Variants in SYNE2 observed in about 807,000 individuals in gnomAD.
The protein encoded by SYNE2 is nesprin-2.
A neutral mutation model predicts 856.3 loss-of-function variants in SYNE2; 431 were observed. The ratio of observed to expected loss-of-function variants is 0.50; its 90% CI spans 0.47 to 0.55. The LOEUF (loss-of-function observed/expected upper bound fraction) is 0.55, where lower values mean the gene tolerates loss of function less well. Ranked by LOEUF, SYNE2 falls within the 20% of genes least tolerant of loss-of-function variation. The pLI is 0.00. For missense variants in SYNE2, 8,129 were observed against 8,023.2 expected (o/e 1.01, Z -0.50); for synonymous variants, 2,923 against 2,872.3 (o/e 1.02, Z -0.56).
intron 1 of SYNE2, among the ~76,000 whole-genome samples, chr14:63,831,184 T>A (rs908827973): frequency 1.3e-5 from 2 of 152,052 alleles, no homozygotes; most frequent in Admixed American, 6.6e-5. Context: ...ATGCTCTTGA[T>A]TAGCTAGAAT....
At chr14:64,152,983 A>G (rs774457426) in intron 85 of SYNE2, among the ~76,000 whole-genome samples, 10 of 152,234 alleles carry the variant, frequency 6.6e-5, no homozygotes, top group Non-Finnish European at 1.3e-4. Context: ...TCACTCAGAC[A>G]TAAATATCTC....
At chr14:63,869,237 C>T (rs2140342683) in intron 1 of SYNE2, among the ~76,000 whole-genome samples, 1 of 152,284 alleles carries the variant, frequency 6.6e-6, no homozygotes, top group African/African-American at 2.4e-5. Flanking sequence ...TTCTTCTGAG[C>T]TTAAAGAGAA....
chr14:63,851,671 T>C (rs989659294), upstream of SYNE2, among the ~76,000 whole-genome samples: 2 of 152,190 alleles, frequency 1.3e-5, no homozygotes, highest in Admixed American at 1.3e-4. Flanking sequence ...CATTAATATA[T>C]GTTTGCTGAA....
At chr14:63,779,180 C>G (rs1016801117) in intron 1 of SYNE2, among the ~76,000 whole-genome samples, 1 of 151,448 alleles carries the variant, frequency 6.6e-6, no homozygotes, top group Non-Finnish European at 1.5e-5. Flanking sequence ...AAAAAAATAG[C>G]CTGACATGGT....
At chr14:63,971,140 G>C (rs1162019189) in intron 11 of SYNE2, among the ~76,000 whole-genome samples, 2 of 145,444 alleles carry the variant, frequency 1.4e-5, no homozygotes, top group Non-Finnish European at 3.0e-5. Flanking sequence ...TTTTGAGACA[G>C]GGTCTTTGTC....
At chr14:64,212,147 G>T in intron 104 of SYNE2, 49 bp downstream of exon 104, 1 of 1,611,790 alleles carries the variant, frequency 6.2e-7, no homozygotes, top group Non-Finnish European at 8.5e-7. Flanking sequence ...ACACCTTTGC[G>T]TGGGAGAGCT....
Position 64,133,961 on chromosome 14 carries a change from A to G in SYNE2, c.14515-108A>G, listed in dbSNP as rs977394877. 5 of 1,351,204 alleles carry G rather than the reference A, an allele frequency of 3.7e-6. No individual in the cohort carries two copies. In the African/African-American group the frequency reaches 5.8e-5, roughly 16 times the overall value. The allele number at this position is 1,351,204 out of a possible 1,614,324, so 83.7% of individuals were successfully genotyped here. A position where few individuals can be genotyped will look rare whatever the true frequency, so the allele number is the denominator to read the frequency against. On this transcript the variant is annotated intron_variant, in intron 77 of 115. Transcript: ENST00000555002. ...CGAACACACCTGGAATCTGTGCTTT[A>G]ATTTTGTATGGTCTTGGTGTTCATT...
At chr14:64,097,731 T>G (rs1439986230) in intron 61 of SYNE2, among the ~76,000 whole-genome samples, 1 of 152,254 alleles carries the variant, frequency 6.6e-6, no homozygotes, top group Non-Finnish European at 1.5e-5. Flanking sequence ...AGGTCTCTGG[T>G]AAGGCTGAGG....
In SYNE2 at chr14:64,214,416, G is replaced by A. The variant is rs2098656238; in HGVS notation, c.19279G>A (p.Gly6427Ser). Residue 6427 changes from glycine to serine, a missense_variant, in exon 106 of 116, where the codon GGC (glycine) becomes AGC (serine). Coordinates refer to ENST00000555002, the MANE Select transcript of SYNE2 (RefSeq NM_182914.3). ...LEWDHTGDVGGSSSHEEDEEG... is the reference protein window; with the variant it reads ...LEWDHTGDVGSSSSHEEDEEG... ...GTGGGACCACACAGGCGACGTGGGG[G>A]GCTCCTCCTCTCACGAAGAGGACGA... The A allele has an allele frequency of 1.2e-6, 2 of 1,613,950 alleles. No homozygotes were observed. Among genetic ancestry groups the A allele is most frequent in the African/African-American group, 1.3e-5 (1 of 74,918 alleles).
At chr14:63,929,975 G>T (rs1229754604) in intron 2 of SYNE2, among the ~76,000 whole-genome samples, 1 of 152,030 alleles carries the variant, frequency 6.6e-6, no homozygotes, top group Non-Finnish European at 1.5e-5. Flanking sequence ...CATGATTATG[G>T]TTTGGATTTT....
intron 64 of SYNE2, among the ~76,000 whole-genome samples, chr14:64,106,433 A>T (rs1470574818): frequency 6.6e-6 from 1 of 152,216 alleles, no homozygotes; most frequent in Non-Finnish European, 1.5e-5. Context: ...GTGGATCACG[A>T]GGTCAGGAGA....
rs1033433622 is a variant in SYNE2, at chr14:64,121,949, A to C, written c.13159-63A>C. On this transcript the variant is annotated intron_variant, in intron 68 of 115. Transcript: ENST00000555002. ...AAATTAGATTTATCTCAGCAGAGGA[A>C]ACTAGTGGGTACTAATCGAAAAGCT... 2.5e-6 allele frequency: 4 copies of C among 1,604,736 alleles called. No individual in the cohort carries two copies. In the African/African-American group the frequency reaches 5.4e-5, roughly 21 times the overall value.
chr14:63,978,665 G>A (rs779549939), intron 13 of SYNE2, among the ~76,000 whole-genome samples, 187 bp from the exon 14 acceptor site: 1 of 152,042 alleles, frequency 6.6e-6, no homozygotes, highest in African/African-American at 2.4e-5. Context: ...CTTAGAAATG[G>A]TTGTTGTATA....
At chr14:63,789,010 A>G (rs1374139591) in intron 1 of SYNE2, among the ~76,000 whole-genome samples, 1 of 152,250 alleles carries the variant, frequency 6.6e-6, no homozygotes, top group Non-Finnish European at 1.5e-5. Context: ...GTATATATAC[A>G]CAATGGAATA....
At chr14:63,885,382 G>A (rs1280431905) in intron 1 of SYNE2, among the ~76,000 whole-genome samples, 1 of 152,156 alleles carries the variant, frequency 6.6e-6, no homozygotes, top group Non-Finnish European at 1.5e-5. Flanking sequence ...GATGTGCTTA[G>A]GTCTGGAAAT....
chr14:63,968,718 TAGTA>T (rs2096431589), intron 11 of SYNE2, among the ~76,000 whole-genome samples: 1 of 152,224 alleles, frequency 6.6e-6, no homozygotes, highest in African/African-American at 2.4e-5. Context: ...TATGGGTACA[TAGTA>T]GGTGTATATA....
chr14:64,162,354 A>T, intron 88 of SYNE2, 78 bp downstream of exon 88: 1 of 1,398,642 alleles, frequency 7.1e-7, no homozygotes, highest in Non-Finnish European at 1.0e-6. Flanking sequence ...TGACCTGGGG[A>T]CCAGACAGAC....
intron 76 of SYNE2, among the ~76,000 whole-genome samples, chr14:64,130,557 AT>A (rs2153679400): frequency 6.6e-6 from 1 of 152,348 alleles, no homozygotes; most frequent in Admixed American, 6.5e-5. Flanking sequence ...CTATGAGAGC[AT>A]TTAATAGCAG....
chr14:63,789,774 C>CAAA (rs34875863), intron 1 of SYNE2, among the ~76,000 whole-genome samples: 1 of 121,826 alleles, frequency 8.2e-6, no homozygotes. Flanking sequence ...AGACTTGTCT[C>CAAA]AAAAAAAAAA....
Sources: allele counts gnomAD v4.1 joint callset (sites outside exome capture counted in the v4.1 genomes callset), GRCh38; gene constraint gnomAD v4.1.1; transcripts MANE v1.5; gene names NCBI Gene and HGNC (gene_info 2026-07-23, HGNC 2026-07-21).